The following UBTD2 variants were observed in gnomAD, a reference collection of about 807,000 sequenced individuals.
The protein encoded by UBTD2 is ubiquitin domain-containing protein 2.
Under a neutral mutation model 19.8 loss-of-function variants are expected in UBTD2, and 9 were observed. The observed-to-expected ratio is 0.46, with a 90% CI of 0.27 to 0.79. The LOEUF (loss-of-function observed/expected upper bound fraction) is 0.79. Among genes scored for constraint, UBTD2 ranks in the 30% least tolerant of loss-of-function variants. The pLI is 0.14. For missense variants in UBTD2, 250 were observed against 300.4 expected (o/e 0.83, Z 1.24); for synonymous variants, 98 against 103.9 (o/e 0.94, Z 0.35).
chr5:172,266,907 G>A (rs942465948), intron 1 of UBTD2, among the ~76,000 whole-genome samples: 1 of 152,082 alleles, frequency 6.6e-6, no homozygotes, highest in African/African-American at 2.4e-5. Context: ...AGGTGCAGTG[G>A]TGTGCGCCTA....
chr5:172,257,078 T>G lies in UBTD2; in HGVS notation c.71-22720A>C, dbSNP rs1755169308. On this transcript the variant is annotated intron_variant, in intron 1 of 2. Coordinates refer to ENST00000393792, the MANE Select transcript of UBTD2 (RefSeq NM_152277.3). ...CACTGGGGTTTGGAGTACAAATTAT[T>G]ATGTCACCCAGGTAGCAAGCACAGT... Among the ~76,000 whole-genome samples, 3 of 152,270 alleles carry G rather than the reference T, an allele frequency of 2.0e-5. No individual in the cohort carries two copies. The East Asian group carries it at 5.8e-4, about 29-fold the overall frequency.
At chr5:172,237,129 C>T (rs1355883836) in intron 1 of UBTD2, among the ~76,000 whole-genome samples, 1 of 152,136 alleles carries the variant, frequency 6.6e-6, no homozygotes, top group Admixed American at 6.5e-5. Flanking sequence ...GAGTCTTGCT[C>T]TGTCGCCAAG....
intron 1 of UBTD2, among the ~76,000 whole-genome samples, chr5:172,272,488 A>G (rs1336117861): frequency 6.6e-6 from 1 of 152,080 alleles, no homozygotes; most frequent in Non-Finnish European, 1.5e-5. Context: ...GGTGGTCTGC[A>G]GTAAGGAAAA....
At chr5:172,241,020 T>C (rs998324958) in intron 1 of UBTD2, among the ~76,000 whole-genome samples, 2 of 151,904 alleles carry the variant, frequency 1.3e-5, no homozygotes, top group African/African-American at 4.8e-5. Flanking sequence ...TTTATTTTAC[T>C]GGTTGGGGGC....
intron 1 of UBTD2, among the ~76,000 whole-genome samples, 180 bp from the exon 2 acceptor site, chr5:172,234,538 G>C (rs1051508340): frequency 6.6e-6 from 1 of 152,184 alleles, no homozygotes; most frequent in Non-Finnish European, 1.5e-5. Context: ...AAAGTGAATA[G>C]AGACATTAGA....
At chr5:172,238,727 A>G (rs1278440696) in intron 1 of UBTD2, among the ~76,000 whole-genome samples, 1 of 152,236 alleles carries the variant, frequency 6.6e-6, no homozygotes, top group Non-Finnish European at 1.5e-5. Flanking sequence ...AAAACAATCA[A>G]TTCTGAAGTT....
intron 1 of UBTD2, chr5:172,254,467 T>C: frequency 2.0e-6 from 1 of 506,038 alleles, no homozygotes; most frequent in Non-Finnish European, 3.6e-6. Context: ...AAAGGTTTGA[T>C]TCCAGTATGT....
In UBTD2 at chr5:172,283,549, G is replaced by T. The variant is rs1255041603; in HGVS notation, c.70+47C>A. Reference sequence around the variant, plus strand: ...GGGGTCGGGACAGGTGGCCGGGCCTGGCCGGGAACAATGGGGGGCCGAGGC... The same window carrying T: ...GGGGTCGGGACAGGTGGCCGGGCCTTGCCGGGAACAATGGGGGGCCGAGGC... On this transcript the variant is annotated intron_variant, in intron 1 of 2. Coordinates refer to ENST00000393792, the MANE Select transcript of UBTD2 (RefSeq NM_152277.3). The surrounding 1 kb of genome is among the most constrained non-coding windows in gnomAD (Gnocchi z 4.3). The T allele has an allele frequency of 3.1e-6, 4 of 1,270,106 alleles. No individual in the cohort carries two copies. Among genetic ancestry groups the T allele is most frequent in the South Asian group, 2.9e-5 (1 of 33,982 alleles). The allele number at this position is 1,270,106 out of a possible 1,614,324, so 78.7% of individuals were successfully genotyped here.
chr5:172,283,634 G>T lies in UBTD2; in HGVS notation c.32C>A (p.Ser11Tyr), dbSNP rs1755771307. 7.8e-7 allele frequency: 1 copy of T among 1,284,712 alleles called. No homozygotes were observed. Among genetic ancestry groups the T allele is most frequent in the South Asian group, 2.8e-5 (1 of 36,166 alleles). The allele number at this position is 1,284,712 out of a possible 1,614,324, so 79.6% of individuals were successfully genotyped here. MGGCVGAQHD[S>Y]SGSLNENSEG... Reference sequence around the variant, plus strand: ...CGAGTTCTCGTTGAGGCTGCCCGAGGAGTCGTGCTGGGCGCCCACACACCC... The same window carrying T: ...CGAGTTCTCGTTGAGGCTGCCCGAGTAGTCGTGCTGGGCGCCCACACACCC... Residue 11 changes from serine (S) to tyrosine (Y), a missense_variant, in exon 1 of 3, where the codon TCC (serine) becomes TAC (tyrosine). Transcript: ENST00000393792. This position sits in a 1 kb window ranked among gnomAD's most constrained non-coding sequence, Gnocchi z 4.3.
intron 2 of UBTD2, among the ~76,000 whole-genome samples, chr5:172,226,099 T>C (rs1252288963): frequency 1.3e-5 from 2 of 152,074 alleles, no homozygotes; most frequent in Non-Finnish European, 2.9e-5. Context: ...CCACCAACCC[T>C]GGCAAATTTT....
chr5:172,228,779 A>G (rs887882515), intron 2 of UBTD2, among the ~76,000 whole-genome samples: 1 of 152,084 alleles, frequency 6.6e-6, no homozygotes, highest in African/African-American at 2.4e-5. Flanking sequence ...TGAGTATTTT[A>G]TTGCTGATTC....
intron 2 of UBTD2, among the ~76,000 whole-genome samples, chr5:172,229,244 T>G (rs1015960601): frequency 6.6e-6 from 1 of 151,970 alleles, no homozygotes; most frequent in African/African-American, 2.4e-5. Context: ...CTCACGCCTG[T>G]AATCCCAGCA....
chr5:172,212,188 T>C lies in UBTD2; in HGVS notation c.347A>G (p.Tyr116Cys). ...TGCCAAGCAATACACTGGAAGCTGA[T>C]ATCTGTTCCCCAGTTCATCGTAGCA... The part of the protein sequence containing the change: ...TECYDELGNR[Y>C]QLPVYCLAPP... Residue 116 changes from tyrosine to cysteine, a missense_variant, in exon 3 of 3, where the codon TAT (tyrosine) becomes TGT (cysteine). By Grantham distance (194) the Tyr-to-Cys change is radical. Coordinates refer to ENST00000393792, the MANE Select transcript of UBTD2 (RefSeq NM_152277.3). The C allele has an allele frequency of 6.2e-7, 1 of 1,613,158 alleles. No homozygotes were observed. The highest frequency in any genetic ancestry group is 8.5e-7 in the Non-Finnish European group (1 of 1,179,094).
chr5:172,283,668 G>A lies in UBTD2; in HGVS notation c.-3C>T, dbSNP rs901489847. 3.2e-5 allele frequency: 40 copies of A among 1,239,746 alleles called. No homozygotes were observed. The African/African-American group carries it at 4.7e-4, about 15-fold the overall frequency. 76.8% of individuals were successfully genotyped at this position (1,239,746 alleles called of 1,614,324 possible). ...TGGGCGCCCACACACCCGCCCATGG[G>A]GGCCCCCGGCGCCTCGTCCGCCACC... On this transcript the variant is annotated 5_prime_UTR_variant, in exon 1 of 3. Coordinates refer to ENST00000393792, the MANE Select transcript of UBTD2 (RefSeq NM_152277.3). This position sits in a 1 kb window ranked among gnomAD's most constrained non-coding sequence, Gnocchi z 4.3.
intron 1 of UBTD2, chr5:172,254,893 C>T (rs1755107583): frequency 2.0e-6 from 1 of 498,678 alleles, no homozygotes. Flanking sequence ...AATTTTTCAT[C>T]TCCTCCATGG....
At chr5:172,280,049 C>A (rs1244637876) in intron 1 of UBTD2, among the ~76,000 whole-genome samples, 1 of 151,876 alleles carries the variant, frequency 6.6e-6, no homozygotes, top group Non-Finnish European at 1.5e-5. Context: ...TTGCAGTGAG[C>A]TGAGATCGTG....
chr5:172,220,355 G>T (rs1340701771), intron 2 of UBTD2, among the ~76,000 whole-genome samples: 1 of 152,204 alleles, frequency 6.6e-6, no homozygotes, highest in East Asian at 1.9e-4. Context: ...GCTATAGCTG[G>T]CCGGGCACGG....
intron 1 of UBTD2, among the ~76,000 whole-genome samples, chr5:172,246,440 GCT>G (rs1491546007): frequency 8.0e-5 from 9 of 112,822 alleles, no homozygotes; most frequent in African/African-American, 2.4e-4. Context: ...CATTGAGATT[GCT>G]TTTTTTTTTT....
chr5:172,277,061 C>T (rs369761174), intron 1 of UBTD2, among the ~76,000 whole-genome samples: 199 of 86,154 alleles, frequency 2.3e-3, no homozygotes, highest in African/African-American at 8.9e-3. Flanking sequence ...AAAGCAGACT[C>T]TGTCTCAAAA....
Sources: allele counts gnomAD v4.1 joint callset (sites outside exome capture counted in the v4.1 genomes callset), GRCh38; gene constraint gnomAD v4.1.1; non-coding constraint Gnocchi (gnomAD v3.1); transcripts MANE v1.5; gene names NCBI Gene and HGNC (gene_info 2026-07-23, HGNC 2026-07-21).